Variants in GRIN2B observed in about 807,000 individuals in gnomAD.
GRIN2B encodes the protein glutamate receptor ionotropic, NMDA 2B.
Under a neutral mutation model 114.5 loss-of-function variants are expected in GRIN2B, and 5 were observed. That is an observed-to-expected ratio of 0.04 (90% CI 0.02 to 0.09). The LOEUF (loss-of-function observed/expected upper bound fraction) is 0.09, where lower values mean the gene tolerates loss of function less well. GRIN2B is among the 10% of genes least tolerant of loss of function. GRIN2B has a pLI of 1.00. For synonymous variants in GRIN2B, 787 were observed against 745.1 expected, an observed-to-expected ratio of 1.06 and a Z score of -0.92; for missense variants, 1,108 against 1,943.5, an observed-to-expected ratio of 0.57 and a Z score of 8.08.
intron 5 of GRIN2B, among the ~76,000 whole-genome samples, chr12:13,627,853 G>C (rs1402304579): frequency 6.6e-6 from 1 of 152,198 alleles, no homozygotes; most frequent in Non-Finnish European, 1.5e-5. Context: ...CCTGCTGCTA[G>C]GTGCAGTCAT....
At chr12:13,586,586 A>G (rs1193651297) in intron 10 of GRIN2B, among the ~76,000 whole-genome samples, 2 of 152,152 alleles carry the variant, frequency 1.3e-5, no homozygotes, top group African/African-American at 2.4e-5. Flanking sequence ...TGAAGAAGTC[A>G]TTGCCAAATA....
rs544355616 is a variant in GRIN2B, at chr12:13,700,255, C to T, written c.1011-24396G>A. Reference sequence around the variant, plus strand: ...ATGGCAATTTTAAGGAGGTCAAATACCATCCCCCTCCTCTTGGCCTATGTA... The same window carrying T: ...ATGGCAATTTTAAGGAGGTCAAATATCATCCCCCTCCTCTTGGCCTATGTA... On this transcript the variant is annotated intron_variant, in intron 4 of 13. Coordinates refer to ENST00000609686, the MANE Select transcript of GRIN2B (RefSeq NM_000834.5). Among the ~76,000 whole-genome samples the T allele has an allele frequency of 2.6e-5, 4 of 152,224 alleles. No individual in the cohort carries two copies. The South Asian group carries it at 6.2e-4, about 24-fold the overall frequency.
At chr12:13,910,078 A>G (rs1866604919) in intron 2 of GRIN2B, among the ~76,000 whole-genome samples, 1 of 152,234 alleles carries the variant, frequency 6.6e-6, no homozygotes, top group Admixed American at 6.5e-5. Flanking sequence ...TTCTTATAAA[A>G]TTTAATCTTA....
chr12:13,723,693 A>G (rs1862920531), intron 4 of GRIN2B, among the ~76,000 whole-genome samples: 1 of 152,030 alleles, frequency 6.6e-6, no homozygotes, highest in African/African-American at 2.4e-5. Context: ...TAACACTCTT[A>G]CCTGTGGTGG....
At chr12:13,583,899 T>C (rs1948884728) in intron 10 of GRIN2B, among the ~76,000 whole-genome samples, 1 of 152,094 alleles carries the variant, frequency 6.6e-6, no homozygotes, top group Admixed American at 6.5e-5. Context: ...GGTGTAGCTA[T>C]TGTTCAGCTA....
At chr12:13,725,781 A>G (rs1455181168) in intron 4 of GRIN2B, among the ~76,000 whole-genome samples, 2 of 152,172 alleles carry the variant, frequency 1.3e-5, no homozygotes, top group Non-Finnish European at 2.9e-5. Flanking sequence ...AGAAACCCCA[A>G]CTTCACTGAA....
chr12:13,927,019 G>C (rs1866930875), intron 2 of GRIN2B, among the ~76,000 whole-genome samples: 1 of 151,946 alleles, frequency 6.6e-6, no homozygotes, highest in African/African-American at 2.4e-5. Flanking sequence ...AATGTGTATG[G>C]AAATTCAGGA....
rs965132398 is a variant in GRIN2B at position 13,844,711 on chromosome 12, T to C, written c.411+21087A>G. Among the ~76,000 whole-genome samples, 5 of 152,184 alleles carry C rather than the reference T, an allele frequency of 3.3e-5. No individual in the cohort carries two copies. The South Asian group carries it at 6.2e-4, about 19-fold the overall frequency. On this transcript the variant is annotated intron_variant, in intron 3 of 13. Transcript: ENST00000609686. The stretch of plus-strand genomic sequence containing the variant: ...TATCATTTAACTTCTCAGAGACTTA[T>C]GGTGATGATGGGGATAGTGACAATA...
At chr12:13,578,506 G>C (rs1339681833) in intron 10 of GRIN2B, among the ~76,000 whole-genome samples, 2 of 152,066 alleles carry the variant, frequency 1.3e-5, no homozygotes, top group Non-Finnish European at 2.9e-5. Flanking sequence ...TCCAGTCAGA[G>C]CCAGGCATTA....
At chr12:13,752,794 G>C (rs754016844) in intron 4 of GRIN2B, among the ~76,000 whole-genome samples, 2 of 152,164 alleles carry the variant, frequency 1.3e-5, no homozygotes, top group Non-Finnish European at 2.9e-5. Context: ...TCCTTCATAC[G>C]ACTACAGATC....
chr12:13,711,870 A>G (rs559139164), intron 4 of GRIN2B, among the ~76,000 whole-genome samples: 7 of 152,300 alleles, frequency 4.6e-5, no homozygotes, highest in African/African-American at 1.4e-4. Flanking sequence ...CAGCAATCCC[A>G]TTACTGGGTA....
intron 4 of GRIN2B, among the ~76,000 whole-genome samples, chr12:13,730,935 A>G (rs891560015): frequency 6.6e-6 from 1 of 152,090 alleles, no homozygotes; most frequent in Non-Finnish European, 1.5e-5. Flanking sequence ...CTTTAATAAC[A>G]CGTGCACCTA....
At chr12:13,802,585 G>A (rs929290399) in intron 3 of GRIN2B, among the ~76,000 whole-genome samples, 1 of 152,038 alleles carries the variant, frequency 6.6e-6, no homozygotes, top group Admixed American at 6.6e-5. Flanking sequence ...ATAGAGAATT[G>A]GTTAAATTGC....
intron 3 of GRIN2B, among the ~76,000 whole-genome samples, chr12:13,841,411 C>T (rs997117392): frequency 2.0e-5 from 3 of 152,152 alleles, no homozygotes; most frequent in African/African-American, 7.2e-5. Context: ...ATAAAAGGCT[C>T]GCTAAAGTCA....
At position 13,646,688 on chromosome 12, in the gene GRIN2B, T is replaced by G. The variant is rs77629223; in HGVS notation, c.1125+29057A>C. The stretch of plus-strand genomic sequence containing the variant: ...TCTTCTCCTTCTCCTTCTTCTCTTA[T>G]TTCCGTATTTATTTTCATTTTTTAG... On this transcript the variant is annotated intron_variant, in intron 5 of 13. Coordinates refer to ENST00000609686, the MANE Select transcript of GRIN2B (RefSeq NM_000834.5). 5.6e-3 allele frequency among the ~76,000 whole-genome samples: 851 copies of G among 151,860 alleles called. 9 individuals carry two copies. The highest frequency in any genetic ancestry group is 0.02 in the African/African-American group (817 of 41,284).
chr12:13,595,724 C>T (rs1949064225), intron 10 of GRIN2B, among the ~76,000 whole-genome samples: 1 of 152,144 alleles, frequency 6.6e-6, no homozygotes, highest in Admixed American at 6.5e-5. Context: ...GTGCTGAAGG[C>T]TGCATTGTTC....
intron 4 of GRIN2B, among the ~76,000 whole-genome samples, chr12:13,736,903 G>A (rs1240051163): frequency 3.3e-5 from 5 of 151,562 alleles, no homozygotes; most frequent in Non-Finnish European, 7.4e-5. Flanking sequence ...TGCCTGTAGC[G>A]CCTATAATCC....
At chr12:13,933,620 T>C (rs1157178321) in intron 2 of GRIN2B, among the ~76,000 whole-genome samples, 1 of 152,130 alleles carries the variant, frequency 6.6e-6, no homozygotes, top group Non-Finnish European at 1.5e-5. Context: ...GGGTATCAGG[T>C]ATCAGCCAAA....
At chr12:13,668,768 C>T (rs745769648) in intron 5 of GRIN2B, among the ~76,000 whole-genome samples, 1 of 151,806 alleles carries the variant, frequency 6.6e-6, no homozygotes, top group Non-Finnish European at 1.5e-5. Context: ...TGTTAAACAT[C>T]ACAACAAGCA....
Sources: gnomAD v4.1 joint callset for allele counts (sites outside exome capture counted in the v4.1 genomes callset) on GRCh38, gnomAD v4.1.1 for gene constraint, MANE v1.5 for transcripts, NCBI Gene and HGNC (gene_info 2026-07-23, HGNC 2026-07-21) for gene names.